Variants in RHAG observed in about 807,000 individuals in gnomAD.
RHAG encodes the protein Rh associated glycoprotein, also known as ammonium transporter Rh type A.
A neutral mutation model predicts 42.4 loss-of-function variants in RHAG; 25 were observed. The observed-to-expected ratio is 0.59, with a 90% CI of 0.43 to 0.82. RHAG has a LOEUF of 0.82. RHAG is among the 40% of genes least tolerant of loss of function. RHAG has a pLI of 0.00. For missense variants in RHAG, 483 were observed against 504.6 expected (o/e 0.96, Z 0.41); for synonymous variants, 182 against 177.7 (o/e 1.02, Z -0.19).
rs1329022893 is a variant in RHAG at position 49,606,870 on chromosome 6, T to G, written c.1190A>C (p.Tyr397Ser). 4 of 1,610,232 alleles carry G rather than the reference T, an allele frequency of 2.5e-6. No individual in the cohort carries two copies. The highest frequency in any genetic ancestry group is 3.4e-6 in the Non-Finnish European group (4 of 1,176,640). ...TACCTTCCAATAAACAGAATCATCATAGCAGTTCTGGTCAGATGGCTGTCC... is the reference window on the plus strand; with the variant it reads ...TACCTTCCAATAAACAGAATCATCAGAGCAGTTCTGGTCAGATGGCTGTCC... ...LWGQPSDQNC[Y>S]DDSVYWKVPK... Residue 397 changes from tyrosine to serine, a missense_variant, in exon 9 of 10, where the codon TAT becomes TCT. Transcript: ENST00000371175.
Position 49,619,265 on chromosome 6 carries a change from G to C in RHAG, c.255C>G (p.Leu85=). 3 of 1,614,082 alleles carry C rather than the reference G, an allele frequency of 1.9e-6. No homozygotes were observed. Among genetic ancestry groups the C allele is most frequent in the Non-Finnish European group, 2.5e-6 (3 of 1,179,982 alleles). ...CCCACTGGAGGCCCAAAGCAGCAAC[G>C]AGTAGGTTGATACCCACACTGCTGA... ...YGFSSVGINL[L]VAALGLQWGT... Residue 85 remains leucine, a synonymous_variant, in exon 2 of 10, where the codon CTC becomes CTG. Transcript: ENST00000371175.
In RHAG at chr6:49,606,843, A is replaced by T. The variant is rs200975172; in HGVS notation, c.1212+5T>A. 2 of 1,581,588 alleles carry T rather than the reference A, an allele frequency of 1.3e-6. No individual in the cohort carries two copies. Among genetic ancestry groups the T allele is most frequent in the African/African-American group, 1.3e-5 (1 of 74,308 alleles). ...CACATTCTTGTTTAGAATACTGTAC[A>T]GTACCTTCCAATAAACAGAATCATC... is the stretch of plus-strand genomic sequence containing the variant. On this transcript the variant is annotated splice_donor_5th_base_variant and intron_variant, in intron 9 of 9. Transcript: ENST00000371175.
chr6:49,630,881 A>G (rs1356449277), intron 1 of RHAG, among the ~76,000 whole-genome samples: 1 of 152,240 alleles, frequency 6.6e-6, no homozygotes, highest in Non-Finnish European at 1.5e-5. Flanking sequence ...TTCTGGATTA[A>G]TTATTCACTC....
At chr6:49,610,662 G>C (rs1562012475) in intron 7 of RHAG, among the ~76,000 whole-genome samples, 1 of 152,050 alleles carries the variant, frequency 6.6e-6, no homozygotes, top group East Asian at 1.9e-4. Flanking sequence ...GGATTGGATG[G>C]AACTGACTGT....
At chr6:49,609,315 A>C (rs1273319044) in intron 7 of RHAG, among the ~76,000 whole-genome samples, 1 of 152,150 alleles carries the variant, frequency 6.6e-6, no homozygotes, top group East Asian at 1.9e-4. Context: ...CCAGACCCTC[A>C]ACCATGAGAC....
chr6:49,628,123 TTGTG>T (rs914981272), intron 1 of RHAG, among the ~76,000 whole-genome samples: 2 of 131,428 alleles, frequency 1.5e-5, no homozygotes, highest in South Asian at 2.6e-4. Context: ...ACCCAACACT[TTGTG>T]TGTGTGAGAC....
At chr6:49,606,481 A>G (rs1364112601) in intron 9 of RHAG, among the ~76,000 whole-genome samples, 1 of 152,016 alleles carries the variant, frequency 6.6e-6, no homozygotes, top group Admixed American at 6.6e-5. Flanking sequence ...AGAAAATACC[A>G]TAACTTCTGA....
intron 8 of RHAG, 86 bp downstream of exon 8, chr6:49,607,064 T>G: frequency 7.6e-7 from 1 of 1,320,472 alleles, no homozygotes; most frequent in Non-Finnish European, 1.1e-6. Flanking sequence ...CATTTTTGAA[T>G]TTAGCAATTG....
At chr6:49,614,359 ATTT>A (rs531446812) in intron 5 of RHAG, among the ~76,000 whole-genome samples, 1 of 141,282 alleles carries the variant, frequency 7.1e-6, no homozygotes, top group African/African-American at 2.6e-5. Flanking sequence ...CGCCTGGCTA[ATTT>A]TTTTTTTTTT....
At chr6:49,636,557 T>A in intron 1 of RHAG, 99 bp downstream of exon 1, 12 of 1,225,946 alleles carry the variant, frequency 9.8e-6, no homozygotes, top group Non-Finnish European at 1.4e-5. Flanking sequence ...ATCATATAAT[T>A]CTACAAAGAG....
intron 6 of RHAG, 139 bp from the exon 7 acceptor site, chr6:49,611,284 T>C: frequency 1.5e-6 from 1 of 667,220 alleles, no homozygotes; most frequent in South Asian, 1.9e-5. Context: ...ATTTAAGGTA[T>C]ACAACATGAT....
At chr6:49,624,738 G>C (rs1028355950) in intron 1 of RHAG, among the ~76,000 whole-genome samples, 4 of 152,160 alleles carry the variant, frequency 2.6e-5, no homozygotes, top group Non-Finnish European at 5.9e-5. Flanking sequence ...AATATATCCA[G>C]AATAAACATG....
intron 4 of RHAG, 83 bp from the exon 5 acceptor site, chr6:49,614,936 A>C (rs1762629300): frequency 8.0e-7 from 1 of 1,253,414 alleles, no homozygotes; most frequent in East Asian, 2.5e-5. Flanking sequence ...TTATTTATTT[A>C]CTTATTTATT....
intron 1 of RHAG, among the ~76,000 whole-genome samples, chr6:49,634,875 T>C (rs561427632): frequency 4.6e-5 from 7 of 151,954 alleles, no homozygotes; most frequent in Middle Eastern, 3.4e-3. Flanking sequence ...TTGATATGCA[T>C]ATACTTTGTG....
At chr6:49,615,863 A>ATTT in intron 3 of RHAG, 92 bp from the exon 4 acceptor site, 1 of 1,301,570 alleles carries the variant, frequency 7.7e-7, no homozygotes, top group Non-Finnish European at 1.1e-6. Context: ...TTGTTGGTTA[A>ATTT]ACAACTTAAA....
intron 7 of RHAG, among the ~76,000 whole-genome samples, chr6:49,607,599 A>C (rs1321395904): frequency 1.3e-5 from 2 of 152,210 alleles, no homozygotes; most frequent in Non-Finnish European, 2.9e-5. Flanking sequence ...ACATAAAACA[A>C]CATGAGCTAC....
intron 8 of RHAG, 109 bp from the exon 9 acceptor site, chr6:49,607,030 T>C (rs1354809830): frequency 6.7e-6 from 8 of 1,197,712 alleles, no homozygotes; most frequent in Non-Finnish European, 9.9e-6. Context: ...ATGACATAAT[T>C]ACTTTACTGC....
rs552629473 is a variant in RHAG at position 49,609,354 on chromosome 6, C to T, written c.1067+1670G>A. Among the ~76,000 whole-genome samples, 13 of 152,280 alleles carry T rather than the reference C, an allele frequency of 8.5e-5. No homozygotes were observed. The South Asian group carries it at 2.1e-3, about 24-fold the overall frequency. On this transcript the variant is annotated intron_variant, in intron 7 of 9. Coordinates refer to ENST00000371175, the MANE Select transcript of RHAG (RefSeq NM_000324.3). ...ACCAATGTCTGACCTCCCAGTGAGG[C>T]CTCCCTTTTGAGAGCCAGATAGACG...
At chr6:49,634,568 T>C (rs1023387148) in intron 1 of RHAG, among the ~76,000 whole-genome samples, 1 of 152,058 alleles carries the variant, frequency 6.6e-6, no homozygotes, top group Non-Finnish European at 1.5e-5. Context: ...TCAACCTAAG[T>C]ATCCATCAGT....
Sources: allele counts gnomAD v4.1 joint callset (sites outside exome capture counted in the v4.1 genomes callset), GRCh38; gene constraint gnomAD v4.1.1; transcripts MANE v1.5; gene names NCBI Gene and HGNC (gene_info 2026-07-23, HGNC 2026-07-21).